Variants in TSNARE1 observed in about 807,000 individuals in gnomAD.
TSNARE1 encodes t-SNARE domain-containing protein 1.
TSNARE1 carries 49 observed loss-of-function variants against 62.0 expected under a neutral mutation model. The observed-to-expected ratio is 0.79, with a 90% CI of 0.63 to 1.00. The LOEUF (loss-of-function observed/expected upper bound fraction) is 1.00. TSNARE1 is among the 50% of genes least tolerant of loss of function. The pLI, the probability that TSNARE1 is intolerant of heterozygous loss-of-function variation, is 0.00. For missense variants in TSNARE1, 755 were observed against 700.1 expected (o/e 1.08, Z -0.88); for synonymous variants, 328 against 294.4 (o/e 1.11, Z -1.17).
intron 9 of TSNARE1, among the ~76,000 whole-genome samples, chr8:142,311,329 C>CTTTTTTTTTTTTTTTTTT (rs1586726763): frequency 1.2e-5 from 1 of 83,358 alleles, no homozygotes; most frequent in African/African-American, 5.5e-5. Context: ...TGGAGTTTTG[C>CTTTTTTTTTTTTTTTTTT]TCTTGTTGCC....
At chr8:142,381,825 C>A (rs1382649034) in intron 1 of TSNARE1, among the ~76,000 whole-genome samples, 5 of 152,216 alleles carry the variant, frequency 3.3e-5, no homozygotes, top group Non-Finnish European at 7.4e-5. Flanking sequence ...GAGCAGAAGA[C>A]AAGCCCTGCC....
intron 10 of TSNARE1, among the ~76,000 whole-genome samples, chr8:142,296,371 G>C: frequency 8.7e-6 from 1 of 114,724 alleles, no homozygotes; most frequent in South Asian, 3.7e-4. Context: ...GGGGAAGGGT[G>C]GTCACTGTCA....
At chr8:142,274,367 T>C (rs2130590921) in intron 12 of TSNARE1, 2 of 985,432 alleles carry the variant, frequency 2.0e-6, no homozygotes, top group South Asian at 9.4e-5. Context: ...CTGAGCTTTC[T>C]TGTTCCCTCT....
At chr8:142,386,793 G>A (rs1375155359) in intron 1 of TSNARE1, among the ~76,000 whole-genome samples, 1 of 152,128 alleles carries the variant, frequency 6.6e-6, no homozygotes, top group Non-Finnish European at 1.5e-5. Flanking sequence ...AAATAGCTAC[G>A]CAACAAATCA....
At chr8:142,352,787 C>T (rs1239205153) in intron 2 of TSNARE1, among the ~76,000 whole-genome samples, 1 of 152,152 alleles carries the variant, frequency 6.6e-6, no homozygotes, top group Non-Finnish European at 1.5e-5. Flanking sequence ...CAGCAAGATG[C>T]GGCACATACA....
At chr8:142,360,300 G>A (rs756312945) in intron 1 of TSNARE1, among the ~76,000 whole-genome samples, 2 of 152,256 alleles carry the variant, frequency 1.3e-5, no homozygotes, top group East Asian at 1.9e-4. Flanking sequence ...AGGGGGACAC[G>A]GAGTCCCTTG....
chr8:142,276,788 G>C (rs997377008), intron 11 of TSNARE1: 1 of 985,270 alleles, frequency 1.0e-6, no homozygotes, highest in Non-Finnish European at 1.2e-6. Flanking sequence ...GCTGCTCCAG[G>C]GCTGCATGCA....
At chr8:142,297,954 G>T (rs556934511) in intron 10 of TSNARE1, among the ~76,000 whole-genome samples, 2 of 152,134 alleles carry the variant, frequency 1.3e-5, no homozygotes, top group Non-Finnish European at 2.9e-5. Context: ...CATCCTCTGC[G>T]TCACCCCCAT....
chr8:142,277,221 T>C, intron 11 of TSNARE1: 2 of 985,214 alleles, frequency 2.0e-6, no homozygotes, highest in Non-Finnish European at 2.4e-6. Flanking sequence ...CCCTTGCACA[T>C]CCCCTGACTC....
chr8:142,221,580 A>C (rs1816212630), intron 13 of TSNARE1, among the ~76,000 whole-genome samples: 1 of 152,204 alleles, frequency 6.6e-6, no homozygotes, highest in Non-Finnish European at 1.5e-5. Context: ...AGGAGCCAGG[A>C]GCCCTCAGAC....
chr8:142,399,298 A>C (rs1306252091), intron 1 of TSNARE1, among the ~76,000 whole-genome samples: 1 of 152,202 alleles, frequency 6.6e-6, no homozygotes, highest in Non-Finnish European at 1.5e-5. Context: ...GCTGTGAAAC[A>C]ACCCCTCACG....
At position 142,318,744 on chromosome 8, in the gene TSNARE1, G is replaced by A. The variant is rs774077707; in HGVS notation, c.894-110C>T. Reference sequence around the variant, plus strand: ...ACGCACGGGCCGAGTGGGGGAGACAGAGACAGATGGATGGACAGGCGGAGA... The same window carrying A: ...ACGCACGGGCCGAGTGGGGGAGACAAAGACAGATGGATGGACAGGCGGAGA... On this transcript the variant is annotated intron_variant, in intron 6 of 13. Coordinates refer to ENST00000524325, the MANE Select transcript of TSNARE1 (RefSeq NM_145003.5). 3 of 922,020 alleles carry A rather than the reference G, an allele frequency of 3.3e-6. No individual in the cohort carries two copies. The African/African-American group carries it at 4.9e-5, about 15-fold the overall frequency. 57.1% of individuals were successfully genotyped at this position (922,020 alleles called of 1,614,324 possible).
At chr8:142,243,430 A>G (rs937466362) in intron 12 of TSNARE1, among the ~76,000 whole-genome samples, 3 of 152,230 alleles carry the variant, frequency 2.0e-5, no homozygotes, top group Non-Finnish European at 4.4e-5. Flanking sequence ...TAAAGAAGGA[A>G]ATCCTCTCAT....
chr8:142,385,712 A>G, intron 1 of TSNARE1, among the ~76,000 whole-genome samples: 1 of 152,270 alleles, frequency 6.6e-6, no homozygotes, highest in Non-Finnish European at 1.5e-5. Context: ...ATTGTCATCA[A>G]AAATTGGTGA....
At chr8:142,270,254 G>A (rs955556912) in intron 12 of TSNARE1, 4 of 985,292 alleles carry the variant, frequency 4.1e-6, no homozygotes, top group African/African-American at 1.7e-5. Context: ...GGTAATGGAG[G>A]AAGAAGGATC....
rs567181835 is a variant in TSNARE1 at position 142,298,817 on chromosome 8, G to A, written c.1290+1669C>T. On this transcript the variant is annotated intron_variant, in intron 10 of 13. Transcript: ENST00000524325. Reference sequence around the variant, plus strand: ...CTCAATTCCAGCACAAAGGGGAAGCGGTCCGTCTGCCTCTCTAGCTGTGAA... The same window carrying A: ...CTCAATTCCAGCACAAAGGGGAAGCAGTCCGTCTGCCTCTCTAGCTGTGAA... Among the ~76,000 whole-genome samples the A allele has an allele frequency of 2.2e-4, 33 of 152,294 alleles. 1 individual carries two copies. Among genetic ancestry groups the A allele is most frequent in the Admixed American group, 1.1e-3 (17 of 15,302 alleles).
At chr8:142,311,290 G>GTTTTTTTTTTTTTGTTTT (rs1827550778) in intron 9 of TSNARE1, among the ~76,000 whole-genome samples, 27 of 57,348 alleles carry the variant, frequency 4.7e-4, no homozygotes, top group Non-Finnish European at 7.3e-4. Context: ...AGCCTCTCTA[G>GTTTTTTTTTTTTTGTTTT]TTTTTTTTTT....
At position 142,223,015 on chromosome 8, in the gene TSNARE1, C is replaced by CTCAT. The variant is rs1251441997; in HGVS notation, c.*11+6457_*11+6458insATGA. 8.5e-4 allele frequency among the ~76,000 whole-genome samples: 24 copies of CTCAT among 28,326 alleles called. 1 individual carries two copies. The highest frequency in any genetic ancestry group is 2.7e-3 in the African/African-American group (22 of 8,148). 18.6% of individuals were successfully genotyped at this position (28,326 alleles called of 152,430 possible). ...ACTCTCTCATTCACTCATTTACTCA[C>CTCAT]TCACTCAGCCACTCACTCATTCACT... On this transcript the variant is annotated intron_variant, in intron 13 of 13. Transcript: ENST00000524325.
At chr8:142,225,739 C>T (rs896092754) in intron 13 of TSNARE1, among the ~76,000 whole-genome samples, 1 of 152,232 alleles carries the variant, frequency 6.6e-6, no homozygotes, top group Non-Finnish European at 1.5e-5. Flanking sequence ...ACACAGGTAA[C>T]GTATGCAAAC....
Sources: allele counts gnomAD v4.1 joint callset (sites outside exome capture counted in the v4.1 genomes callset), GRCh38; gene constraint gnomAD v4.1.1; transcripts MANE v1.5; gene names NCBI Gene and HGNC (gene_info 2026-07-23, HGNC 2026-07-21).